Variants in ARIH1 observed in about 807,000 individuals in gnomAD.
The protein encoded by ARIH1 is E3 ubiquitin-protein ligase ARIH1.
A neutral mutation model predicts 85.0 loss-of-function variants in ARIH1; 8 were observed. The ratio of observed to expected loss-of-function variants is 0.09; its 90% CI spans 0.06 to 0.17. ARIH1 has a LOEUF of 0.17. Ranked by LOEUF, ARIH1 falls within the 10% of genes least tolerant of loss-of-function variation. The pLI is 1.00. For missense variants in ARIH1, 311 were observed against 718.1 expected (o/e 0.43, Z 6.48); for synonymous variants, 238 against 253.6 (o/e 0.94, Z 0.59).
At chr15:72,477,078 G>A (rs1167287400) in intron 1 of ARIH1, among the ~76,000 whole-genome samples, 1 of 152,054 alleles carries the variant, frequency 6.6e-6, no homozygotes, top group Non-Finnish European at 1.5e-5. Context: ...AAAAGAATTT[G>A]CTCATTTTCA....
chr15:72,509,949 A>C (rs974801647), intron 1 of ARIH1, among the ~76,000 whole-genome samples: 1 of 149,866 alleles, frequency 6.7e-6, no homozygotes, highest in African/African-American at 2.5e-5. Flanking sequence ...TGTGTTGTCC[A>C]GGCTAGAGTG....
At chr15:72,528,520 A>G (rs77961425) in intron 2 of ARIH1, among the ~76,000 whole-genome samples, 4,631 of 152,260 alleles carry the variant, frequency 0.03, 115 homozygotes, top group East Asian at 0.11. Flanking sequence ...TTTTGATGAC[A>G]TTTATCACTA....
intron 1 of ARIH1, among the ~76,000 whole-genome samples, chr15:72,482,735 C>G (rs775039896): frequency 6.6e-6 from 1 of 151,890 alleles, no homozygotes; most frequent in Non-Finnish European, 1.5e-5. Flanking sequence ...ATCATAGTTT[C>G]TGTGAGTCAC....
rs374545382 is a variant in ARIH1 at position 72,547,092 on chromosome 15, T to G, written c.588+2128T>G. ...ACAGGCGTCTGCCATCACGCCTGGCTGATTTTTTGTGTTTTTAGTAGAGAC... is the reference window on the plus strand; with the variant it reads ...ACAGGCGTCTGCCATCACGCCTGGCGGATTTTTTGTGTTTTTAGTAGAGAC... On this transcript the variant is annotated intron_variant, in intron 3 of 13. Transcript: ENST00000379887. Among the ~76,000 whole-genome samples, 120 of 150,172 alleles carry G rather than the reference T, an allele frequency of 8.0e-4. 3 individuals carry two copies. In the East Asian group the frequency reaches 0.016, roughly 21 times the overall value.
At chr15:72,490,958 A>G (rs568315817) in intron 1 of ARIH1, among the ~76,000 whole-genome samples, 2 of 152,200 alleles carry the variant, frequency 1.3e-5, no homozygotes, top group South Asian at 4.2e-4. Flanking sequence ...TCTACTAAAA[A>G]TATAAAAATT....
rs2064331011 is a variant in ARIH1 at position 72,589,297 on chromosome 15, T to G, written c.*6005T>G. The G allele has an allele frequency of 6.6e-6, 1 of 152,240 alleles. No individual in the cohort carries two copies. Among genetic ancestry groups the G allele is most frequent in the African/African-American group, 2.4e-5 (1 of 41,466 alleles). 9.4% of individuals were successfully genotyped at this position (152,240 alleles called of 1,614,324 possible). A position where few individuals can be genotyped will look rare whatever the true frequency, so the allele number is the denominator to read the frequency against. ...TTCATTCTATTATGCTGCTGTTGTC[T>G]GTTACATAGGAATATTGTGAGGATC... On this transcript the variant is annotated 3_prime_UTR_variant, in exon 14 of 14. Transcript: ENST00000379887.
At chr15:72,528,275 A>G (rs2064039122) in intron 2 of ARIH1, among the ~76,000 whole-genome samples, 1 of 152,190 alleles carries the variant, frequency 6.6e-6, no homozygotes, top group Non-Finnish European at 1.5e-5. Flanking sequence ...TTGGACAGGT[A>G]TAATTAAAGA....
chr15:72,579,220 G>A (rs1381515376), intron 11 of ARIH1, among the ~76,000 whole-genome samples: 1 of 150,910 alleles, frequency 6.6e-6, no homozygotes, highest in Non-Finnish European at 1.5e-5. Context: ...TTTCTTTGTT[G>A]AAGAAACTAG....
intron 1 of ARIH1, among the ~76,000 whole-genome samples, chr15:72,489,591 G>A (rs2140395543): frequency 6.6e-6 from 1 of 152,340 alleles, no homozygotes; most frequent in East Asian, 1.9e-4. Flanking sequence ...AATTGCTTGT[G>A]TGACAAAATG....
In ARIH1 at chr15:72,474,443, T is replaced by TCCCTCCTCCGCGCCCTCCCC; in HGVS notation, c.-196_-177dup. The stretch of plus-strand genomic sequence containing the variant: ...GCAAGCGGCCCCCTCGCTCCCTCCC[T>TCCCTCCTCCGCGCCCTCCCC]CCCTCCTCCGCGCCCTCCCCGCCGC... On this transcript the variant is annotated 5_prime_UTR_variant, in exon 1 of 14. Transcript: ENST00000379887. The TCCCTCCTCCGCGCCCTCCCC allele has an allele frequency of 1.5e-6, 1 of 667,896 alleles. No individual in the cohort carries two copies. Among genetic ancestry groups the TCCCTCCTCCGCGCCCTCCCC allele is most frequent in the Non-Finnish European group, 2.4e-6 (1 of 415,396 alleles). 41.4% of individuals were successfully genotyped at this position (667,896 alleles called of 1,614,324 possible). A position where few individuals can be genotyped will look rare whatever the true frequency, so the allele number is the denominator to read the frequency against.
chr15:72,505,331 A>G (rs1182581257), intron 1 of ARIH1, among the ~76,000 whole-genome samples: 1 of 152,182 alleles, frequency 6.6e-6, no homozygotes, highest in Non-Finnish European at 1.5e-5. Flanking sequence ...ATATTACCAT[A>G]TCATAGAAAT....
rs117255986 is a variant in ARIH1, at chr15:72,483,287, G to A, written c.375+8273G>A. Among the ~76,000 whole-genome samples, 1,140 of 152,296 alleles carry A rather than the reference G, an allele frequency of 7.5e-3. 8 individuals are homozygous for A. Among genetic ancestry groups the A allele is most frequent in the Admixed American group, 0.015 (228 of 15,300 alleles). On this transcript the variant is annotated intron_variant, in intron 1 of 13. Coordinates refer to ENST00000379887, the MANE Select transcript of ARIH1 (RefSeq NM_005744.5). ...GAGATATCAGTTCCTTGCCATGTGG[G>A]CCTCTCCATAAAGTGGCTGACAACA...
At chr15:72,564,764 C>A (rs1044600121) in intron 7 of ARIH1, among the ~76,000 whole-genome samples, 2 of 152,056 alleles carry the variant, frequency 1.3e-5, no homozygotes, top group Non-Finnish European at 2.9e-5. Context: ...TGTTGTCTGG[C>A]GAGGGCCTGC....
At chr15:72,507,777 C>T in intron 1 of ARIH1, among the ~76,000 whole-genome samples, 1 of 152,200 alleles carries the variant, frequency 6.6e-6, no homozygotes, top group East Asian at 1.9e-4. Flanking sequence ...GATGTTAAAG[C>T]TTCAGCTAGG....
chr15:72,511,889 G>A (rs534698272), intron 1 of ARIH1, among the ~76,000 whole-genome samples: 1 of 152,144 alleles, frequency 6.6e-6, no homozygotes, highest in South Asian at 2.1e-4. Context: ...TTATAGTAGT[G>A]GATGTTGAAT....
At chr15:72,478,712 C>A (rs2063803868) in intron 1 of ARIH1, among the ~76,000 whole-genome samples, 1 of 152,124 alleles carries the variant, frequency 6.6e-6, no homozygotes, top group African/African-American at 2.4e-5. Context: ...TGTATTTTAG[C>A]CTTCTAGTGA....
intron 2 of ARIH1, among the ~76,000 whole-genome samples, chr15:72,518,748 A>G (rs144565822): frequency 6.6e-6 from 1 of 151,402 alleles, no homozygotes; most frequent in Non-Finnish European, 1.5e-5. Context: ...AGATGGCGCT[A>G]CTACACTCCA....
intron 3 of ARIH1, among the ~76,000 whole-genome samples, chr15:72,549,477 G>A (rs537006830): frequency 6.6e-6 from 1 of 152,300 alleles, no homozygotes; most frequent in African/African-American, 2.4e-5. Flanking sequence ...TTGTGAGGAA[G>A]GGTGGTCCAC....
chr15:72,558,017 T>G (rs1188811534), intron 5 of ARIH1, among the ~76,000 whole-genome samples: 1 of 152,190 alleles, frequency 6.6e-6, no homozygotes, highest in Non-Finnish European at 1.5e-5. Context: ...CTTTTCTTAT[T>G]TAGATACATT....
Sources: gnomAD v4.1 joint callset for allele counts (sites outside exome capture counted in the v4.1 genomes callset) on GRCh38, gnomAD v4.1.1 for gene constraint, MANE v1.5 for transcripts, NCBI Gene and HGNC (gene_info 2026-07-23, HGNC 2026-07-21) for gene names.